Variants in GPR176 observed in about 807,000 individuals in gnomAD.
GPR176 encodes G-protein coupled receptor 176.
A neutral mutation model predicts 35.4 loss-of-function variants in GPR176; 26 were observed. The ratio of observed to expected loss-of-function variants is 0.74; its 90% confidence interval spans 0.54 to 1.02. The LOEUF is 1.02. Among genes scored for constraint, GPR176 ranks in the 50% least tolerant of loss-of-function variants. The probability of loss-of-function intolerance (pLI) is 0.00; values close to 1 mark genes in which losing one functional copy is unlikely to be tolerated. For missense variants in GPR176, 597 were observed against 665.3 expected, an observed-to-expected ratio of 0.90 and a Z score of 1.13; for synonymous variants, 278 against 271.3, an observed-to-expected ratio of 1.02 and a Z score of -0.24.
chr15:39,891,256 T>G (rs572560798), intron 1 of GPR176, among the ~76,000 whole-genome samples: 1 of 152,204 alleles, frequency 6.6e-6, no homozygotes, highest in South Asian at 2.1e-4. Context: ...ACAAAAAGTA[T>G]AATTTACAGT....
rs540186358 is a variant in GPR176, at chr15:39,825,231, A to G, written c.173-17973T>C. Among the ~76,000 whole-genome samples the G allele has an allele frequency of 1.9e-3, 286 of 152,280 alleles. 1 individual carries two copies. Among genetic ancestry groups the G allele is most frequent in the South Asian group, 0.012 (57 of 4,816 alleles). ...AAAGAAAAAAGGTTTAGAGAAGTAT[A>G]GGAAGAAAGAAAAATTACCTGAAAT... is the stretch of plus-strand genomic sequence containing the variant. On this transcript the variant is annotated intron_variant, in intron 1 of 2. Transcript: ENST00000561100.
At chr15:39,883,023 A>T (rs1284835009) in intron 1 of GPR176, among the ~76,000 whole-genome samples, 2 of 152,186 alleles carry the variant, frequency 1.3e-5, no homozygotes, top group Admixed American at 6.5e-5. Context: ...GTAAGTATAG[A>T]GCTTCTTTGA....
At chr15:39,880,388 G>C (rs2032427589) in intron 1 of GPR176, among the ~76,000 whole-genome samples, 1 of 152,134 alleles carries the variant, frequency 6.6e-6, no homozygotes, top group Admixed American at 6.5e-5. Context: ...ACTGTCTGCT[G>C]TCTCCTATAT....
chr15:39,874,616 T>C (rs1233158588), intron 1 of GPR176, among the ~76,000 whole-genome samples: 3 of 152,238 alleles, frequency 2.0e-5, no homozygotes, highest in African/African-American at 7.2e-5. Context: ...GAAGTCATCA[T>C]TGTTGCTTCA....
chr15:39,806,487 G>C (rs1899195914), intron 2 of GPR176, among the ~76,000 whole-genome samples: 1 of 152,156 alleles, frequency 6.6e-6, no homozygotes, highest in African/African-American at 2.4e-5. Flanking sequence ...AAAGAGGATA[G>C]GAAGAGAAAG....
intron 1 of GPR176, among the ~76,000 whole-genome samples, chr15:39,901,835 A>T (rs560436112): frequency 6.6e-6 from 1 of 152,160 alleles, no homozygotes; most frequent in Non-Finnish European, 1.5e-5. Context: ...GCACTCTGGG[A>T]AGCCAAGGAA....
At chr15:39,918,648 T>A (rs1181670141) in intron 1 of GPR176, among the ~76,000 whole-genome samples, 1 of 151,372 alleles carries the variant, frequency 6.6e-6, no homozygotes, top group African/African-American at 2.4e-5. Flanking sequence ...ATCCCAGTCA[T>A]AAAAACACAT....
At chr15:39,914,347 T>C (rs1439780445) in intron 1 of GPR176, among the ~76,000 whole-genome samples, 1 of 130,872 alleles carries the variant, frequency 7.6e-6, no homozygotes, top group Non-Finnish European at 1.6e-5. Context: ...GGAGTCTCAC[T>C]CTGTCACCCA....
At chr15:39,882,485 G>T (rs538683452) in intron 1 of GPR176, among the ~76,000 whole-genome samples, 1 of 152,120 alleles carries the variant, frequency 6.6e-6, no homozygotes, top group Admixed American at 6.6e-5. Context: ...CCCAATCTAC[G>T]GAAGAGACTT....
chr15:39,862,511 T>C (rs1324136404), intron 1 of GPR176: 1 of 152,190 alleles, frequency 6.6e-6, no homozygotes, highest in African/African-American at 2.4e-5. Flanking sequence ...CTTGCAACAA[T>C]TCTATAAATA....
At chr15:39,840,539 A>C (rs2029893476) in intron 1 of GPR176, among the ~76,000 whole-genome samples, 1 of 152,180 alleles carries the variant, frequency 6.6e-6, no homozygotes, top group Non-Finnish European at 1.5e-5. Flanking sequence ...GTAAATGACG[A>C]GTTAATGGGT....
At chr15:39,859,267 T>C (rs2031438775) in intron 1 of GPR176, among the ~76,000 whole-genome samples, 1 of 152,096 alleles carries the variant, frequency 6.6e-6, no homozygotes, top group East Asian at 1.9e-4. Context: ...TGTATGTATA[T>C]ATGTTATATG....
chr15:39,819,200 G>C (rs958915088), intron 1 of GPR176, among the ~76,000 whole-genome samples: 2 of 152,226 alleles, frequency 1.3e-5, no homozygotes, highest in South Asian at 2.1e-4. Context: ...GAGTGGACGT[G>C]CAACAGCTCA....
At chr15:39,867,865 T>C (rs1419297925) in intron 1 of GPR176, among the ~76,000 whole-genome samples, 1 of 152,100 alleles carries the variant, frequency 6.6e-6, no homozygotes, top group Non-Finnish European at 1.5e-5. Context: ...GGATGTGAAC[T>C]ACAGCAACTC....
At chr15:39,908,811 G>T (rs991697521) in intron 1 of GPR176, among the ~76,000 whole-genome samples, 1 of 152,138 alleles carries the variant, frequency 6.6e-6, no homozygotes, top group African/African-American at 2.4e-5. Context: ...TATCAAGGAC[G>T]TTGATTGATT....
intron 1 of GPR176, among the ~76,000 whole-genome samples, chr15:39,832,171 C>G (rs1901130929): frequency 6.6e-6 from 1 of 152,050 alleles, no homozygotes; most frequent in Non-Finnish European, 1.5e-5. Context: ...AATGATAAAC[C>G]ACTTCACACC....
chr15:39,913,952 A>G (rs1350498885), intron 1 of GPR176, among the ~76,000 whole-genome samples: 1 of 152,126 alleles, frequency 6.6e-6, no homozygotes, highest in Non-Finnish European at 1.5e-5. Flanking sequence ...AGGCTGAGGC[A>G]GGAGAATGGC....
chr15:39,804,610 T>C (rs1374415268), intron 2 of GPR176, among the ~76,000 whole-genome samples: 1 of 150,486 alleles, frequency 6.6e-6, no homozygotes, highest in Non-Finnish European at 1.5e-5. Flanking sequence ...CCTTGTTGAG[T>C]CTTATTTAAA....
intron 1 of GPR176, among the ~76,000 whole-genome samples, chr15:39,871,168 G>T (rs1023683731): frequency 1.3e-5 from 2 of 152,184 alleles, no homozygotes; most frequent in African/African-American, 4.8e-5. Context: ...GACTTTGGGA[G>T]GGTCAATAAA....
Sources: gnomAD v4.1 joint callset for allele counts (sites outside exome capture counted in the v4.1 genomes callset) on GRCh38, gnomAD v4.1.1 for gene constraint, MANE v1.5 for transcripts, NCBI Gene and HGNC (gene_info 2026-07-23, HGNC 2026-07-21) for gene names.